The following PLCB1 variants were observed in gnomAD, a reference collection of about 807,000 sequenced individuals.
The protein encoded by PLCB1 is phospholipase C beta 1.
Under a neutral mutation model 161.8 loss-of-function variants are expected in PLCB1, and 46 were observed. That is an observed-to-expected ratio of 0.28 (90% CI 0.22 to 0.36). The LOEUF (loss-of-function observed/expected upper bound fraction) is 0.36. Ranked by LOEUF, PLCB1 falls within the 10% of genes least tolerant of loss-of-function variation. The pLI, the probability that PLCB1 is intolerant of heterozygous loss-of-function variation, is 1.00. For missense variants in PLCB1, 1,016 were observed against 1,472.5 expected (o/e 0.69, Z 5.07); for synonymous variants, 517 against 503.7 (o/e 1.03, Z -0.35).
chr20:8,316,161 A>G (rs1196762113), intron 2 of PLCB1, among the ~76,000 whole-genome samples: 1 of 152,176 alleles, frequency 6.6e-6, no homozygotes, highest in African/African-American at 2.4e-5. Context: ...CTAACTCTAC[A>G]AAGCGCTCAA....
At chr20:8,794,060 G>C (rs1002402937) in intron 31 of PLCB1, among the ~76,000 whole-genome samples, 4 of 152,206 alleles carry the variant, frequency 2.6e-5, no homozygotes, top group Non-Finnish European at 5.9e-5. Context: ...CCAGCGGTCA[G>C]AGTTTAAGGT....
intron 3 of PLCB1, among the ~76,000 whole-genome samples, chr20:8,534,595 C>T (rs1420765883): frequency 4.6e-5 from 7 of 152,098 alleles, no homozygotes; most frequent in African/African-American, 4.8e-5. Context: ...ACAACGGGGG[C>T]GTTGCTTCCA....
intron 31 of PLCB1, among the ~76,000 whole-genome samples, chr20:8,826,473 G>A (rs1172994824): frequency 6.9e-6 from 1 of 145,158 alleles, no homozygotes; most frequent in Non-Finnish European, 1.5e-5. Context: ...TCCAGCCTGG[G>A]CAACAGAGCG....
intron 15 of PLCB1, among the ~76,000 whole-genome samples, chr20:8,723,514 C>G (rs1258035302): frequency 6.6e-6 from 1 of 152,130 alleles, no homozygotes; most frequent in Non-Finnish European, 1.5e-5. Context: ...TATTGGTTTT[C>G]TTTTTCATTA....
At chr20:8,794,032 T>C (rs1983898511) in intron 31 of PLCB1, among the ~76,000 whole-genome samples, 1 of 152,214 alleles carries the variant, frequency 6.6e-6, no homozygotes, top group Admixed American at 6.5e-5. Context: ...GAAATATGGC[T>C]CTGTTCTGCC....
At chr20:8,345,203 C>T (rs189977191) in intron 2 of PLCB1, among the ~76,000 whole-genome samples, 1 of 152,228 alleles carries the variant, frequency 6.6e-6, no homozygotes, top group Admixed American at 6.5e-5. Context: ...TATGTGCTGA[C>T]ATGGATGCAT....
chr20:8,390,938 C>G (rs1055696636), intron 3 of PLCB1, among the ~76,000 whole-genome samples: 1 of 150,910 alleles, frequency 6.6e-6, no homozygotes, highest in African/African-American at 2.4e-5. Context: ...CATCTAGTTG[C>G]GGTAAGGACT....
At chr20:8,881,375 C>T (rs1244350491) in intron 31 of PLCB1, among the ~76,000 whole-genome samples, 1 of 133,430 alleles carries the variant, frequency 7.5e-6, no homozygotes, top group Non-Finnish European at 1.7e-5. Flanking sequence ...GTAGATACCG[C>T]TATTCATCTT....
intron 3 of PLCB1, among the ~76,000 whole-genome samples, chr20:8,471,872 G>A (rs1035070638): frequency 3.9e-5 from 6 of 151,938 alleles, no homozygotes; most frequent in South Asian, 2.1e-4. Flanking sequence ...TTCTCATTTC[G>A]GTAATGTTTT....
intron 31 of PLCB1, among the ~76,000 whole-genome samples, chr20:8,881,145 C>T (rs1034678136): frequency 6.6e-6 from 1 of 151,666 alleles, no homozygotes; most frequent in African/African-American, 2.4e-5. Flanking sequence ...GGATCACAGC[C>T]GCACGCCACT....
chr20:8,766,399 A>G (rs1982316987), intron 26 of PLCB1, among the ~76,000 whole-genome samples: 1 of 152,190 alleles, frequency 6.6e-6, no homozygotes, highest in Non-Finnish European at 1.5e-5. Flanking sequence ...CTGGTCAGCT[A>G]TGGAAAGAAC....
chr20:8,204,613 T>C (rs1173724140), intron 2 of PLCB1, among the ~76,000 whole-genome samples: 1 of 151,990 alleles, frequency 6.6e-6, no homozygotes, highest in African/African-American at 2.4e-5. Context: ...TGGCTTCCCC[T>C]TTTGCTTTCC....
At chr20:8,683,516 ATACTTAAGATGATCC>A (rs1178350172) in intron 9 of PLCB1, among the ~76,000 whole-genome samples, 24 of 152,208 alleles carry the variant, frequency 1.6e-4, no homozygotes, top group Admixed American at 3.9e-4. Context: ...ATAGACCAAA[ATACTTAAGATGATCC>A]TATGTATCTA....
chr20:8,295,890 T>C (rs1983604240), intron 2 of PLCB1, among the ~76,000 whole-genome samples: 1 of 151,958 alleles, frequency 6.6e-6, no homozygotes. Flanking sequence ...TTTTCTATTT[T>C]TTTGTAGAAA....
At chr20:8,644,414 C>T (rs1286299520) in intron 4 of PLCB1, among the ~76,000 whole-genome samples, 1 of 150,840 alleles carries the variant, frequency 6.6e-6, no homozygotes, top group Non-Finnish European at 1.5e-5. Context: ...GGCCACCCAT[C>T]GTCTGAGATG....
intron 3 of PLCB1, among the ~76,000 whole-genome samples, chr20:8,426,017 G>A (rs931332483): frequency 6.6e-6 from 1 of 152,164 alleles, no homozygotes; most frequent in Non-Finnish European, 1.5e-5. Flanking sequence ...GAGCTTTATG[G>A]TGACACTTTT....
intron 31 of PLCB1, among the ~76,000 whole-genome samples, chr20:8,845,873 C>T (rs1159648642): frequency 6.6e-6 from 1 of 152,078 alleles, no homozygotes; most frequent in African/African-American, 2.4e-5. Flanking sequence ...GCATTAAGTA[C>T]GCAATGCGGA....
At chr20:8,796,836 CTA>C (rs1239058683) in intron 31 of PLCB1, among the ~76,000 whole-genome samples, 3 of 152,246 alleles carry the variant, frequency 2.0e-5, no homozygotes, top group African/African-American at 7.2e-5. Context: ...AGACATTATT[CTA>C]TGTTTTGATC....
intron 4 of PLCB1, among the ~76,000 whole-genome samples, chr20:8,637,951 T>A (rs8116032): frequency 0.24 from 36,036 of 152,100 alleles, 4,632 homozygotes; most frequent in Admixed American, 0.32. Flanking sequence ...TGGAGTGCAG[T>A]GGCGCCATCT....
Sources: gnomAD v4.1 joint callset for allele counts (sites outside exome capture counted in the v4.1 genomes callset) on GRCh38, gnomAD v4.1.1 for gene constraint, MANE v1.5 for transcripts, NCBI Gene and HGNC (gene_info 2026-07-23, HGNC 2026-07-21) for gene names.